The following TAPBPL variants were observed in gnomAD, a reference collection of about 807,000 sequenced individuals.
The protein encoded by TAPBPL is tapasin-related protein.
A neutral mutation model predicts 44.8 loss-of-function variants in TAPBPL; 32 were observed. The ratio of observed to expected loss-of-function variants is 0.71; its 90% CI spans 0.54 to 0.96. The LOEUF (loss-of-function observed/expected upper bound fraction) is 0.96. TAPBPL is among the 40% of genes least tolerant of loss of function. TAPBPL has a pLI of 0.00. For synonymous variants in TAPBPL, 230 were observed against 240.7 expected, an observed-to-expected ratio of 0.96 and a Z score of 0.41; for missense variants, 520 against 586.6, an observed-to-expected ratio of 0.89 and a Z score of 1.17.
chr12:6,458,623 T>C, intron 4 of TAPBPL, 22 bp from the exon 5 acceptor site: 1 of 1,611,052 alleles, frequency 6.2e-7, no homozygotes, highest in Non-Finnish European at 8.5e-7. Flanking sequence ...ATGTGTAATC[T>C]TATTCCTCAT....
downstream of TAPBPL, among the ~76,000 whole-genome samples, chr12:6,471,183 C>T (rs992564785): frequency 2.0e-5 from 3 of 152,216 alleles, no homozygotes; most frequent in African/African-American, 7.2e-5. The surrounding 1 kb of genome is among the most constrained non-coding windows in gnomAD (Gnocchi z 4.0). Flanking sequence ...AGCCTCGAGA[C>T]ACAGCCACAA....
downstream of TAPBPL, chr12:6,470,721 C>G (rs1277008600): frequency 1.4e-6 from 1 of 690,040 alleles, no homozygotes; most frequent in African/African-American, 1.8e-5. Context: ...GCTGACCACG[C>G]CTCCCGGATA....
chr12:6,463,044 C>G, downstream of TAPBPL: 1 of 1,543,832 alleles, frequency 6.5e-7, no homozygotes, highest in Non-Finnish European at 8.7e-7. The surrounding 1 kb of genome is among the most constrained non-coding windows in gnomAD (Gnocchi z 4.0). Flanking sequence ...TGCCCTCCTC[C>G]CCTTGCACCT....
chr12:6,460,996 C>T, intron 6 of TAPBPL, 58 bp downstream of exon 6: 1 of 1,609,986 alleles, frequency 6.2e-7, no homozygotes, highest in African/African-American at 1.3e-5. Context: ...CTCTAACCAC[C>T]CCCCCGCCCA....
chr12:6,454,635 AT>A (rs1209263169), intron 3 of TAPBPL, among the ~76,000 whole-genome samples: 1 of 152,114 alleles, frequency 6.6e-6, no homozygotes, highest in Non-Finnish European at 1.5e-5. Context: ...TATTCTGTAC[AT>A]GGGTGCTGTC....
At chr12:6,468,620 G>A (rs1945689174), downstream of TAPBPL, among the ~76,000 whole-genome samples, 1 of 152,152 alleles carries the variant, frequency 6.6e-6, no homozygotes, top group South Asian at 2.1e-4. Context: ...GACTCCCTTG[G>A]TTACTTACAT....
At chr12:6,467,577 A>C (rs963680494), downstream of TAPBPL, among the ~76,000 whole-genome samples, 6 of 152,194 alleles carry the variant, frequency 3.9e-5, no homozygotes, top group Non-Finnish European at 7.3e-5. Context: ...GAAAAAAACC[A>C]TTTTTTTGAG....
chr12:6,469,492 C>T (rs1945713964), downstream of TAPBPL, among the ~76,000 whole-genome samples: 1 of 152,012 alleles, frequency 6.6e-6, no homozygotes, highest in African/African-American at 2.4e-5. Flanking sequence ...CCATAGAAAT[C>T]AAAAAGAAAA....
downstream of TAPBPL, chr12:6,463,320 T>C (rs562381997): frequency 1.2e-5 from 14 of 1,181,878 alleles, no homozygotes; most frequent in South Asian, 3.1e-4. The surrounding 1 kb of genome is among the most constrained non-coding windows in gnomAD (Gnocchi z 4.0). Flanking sequence ...CTGGCACGCC[T>C]CCCCCCAAGG....
chr12:6,466,248 G>C (rs759791306), downstream of TAPBPL: 3 of 1,614,222 alleles, frequency 1.9e-6, 1 homozygote, highest in South Asian at 3.3e-5. Flanking sequence ...GCCTGGGTTT[G>C]CTGTAGTCGT....
chr12:6,460,884 G>C lies in TAPBPL; in HGVS notation c.1237G>C (p.Ala413Pro), dbSNP rs759160095. ...ERRTALGVIF[A>P]SSLFLLALMF... ...GAGAACAGCCTTGGGAGTCATCTTT[G>C]CCAGCAGTCTCTTCCTTCTTGCACT... Residue 413 changes from alanine (A) to proline (P), a missense_variant, in exon 6 of 7, where the codon GCC becomes CCC. Coordinates refer to ENST00000266556, the MANE Select transcript of TAPBPL (RefSeq NM_018009.5). 3 of 1,613,936 alleles carry C rather than the reference G, an allele frequency of 1.9e-6. No individual in the cohort carries two copies. The African/African-American group carries it at 4.0e-5, about 22-fold the overall frequency.
At position 6,453,826 on chromosome 12, in the gene TAPBPL, T is replaced by C. The variant is rs1949632128; in HGVS notation, c.565+110T>C. 2.9e-6 allele frequency: 4 copies of C among 1,357,044 alleles called. No homozygotes were observed. The highest frequency in any genetic ancestry group is 2.9e-6 in the Non-Finnish European group (3 of 1,028,434). The allele number at this position is 1,357,044 out of a possible 1,614,324, so 84.1% of individuals were successfully genotyped here. A position where few individuals can be genotyped will look rare whatever the true frequency, so the allele number is the denominator to read the frequency against. ...TGAGGTCAGGAGTTTGAGATCAGCC[T>C]GGTCAACACGGTGAAACCCCGTCTC... On this transcript the variant is annotated intron_variant, in intron 3 of 6. Coordinates refer to ENST00000266556, the MANE Select transcript of TAPBPL (RefSeq NM_018009.5). The surrounding 1 kb of genome is among the most constrained non-coding windows in gnomAD (Gnocchi z 4.8).
chr12:6,464,880 C>T (rs746020440), downstream of TAPBPL: 13 of 1,613,970 alleles, frequency 8.1e-6, no homozygotes, highest in Admixed American at 3.3e-5. Flanking sequence ...GCAACTTCAG[C>T]GATACTTACT....
chr12:6,461,994 G>A (rs762227755), intron 6 of TAPBPL, 40 bp from the exon 7 acceptor site: 2 of 1,557,728 alleles, frequency 1.3e-6, no homozygotes, highest in East Asian at 4.5e-5. Flanking sequence ...GCCAGTGTGA[G>A]ATGCCCACGC....
downstream of TAPBPL, chr12:6,465,726 T>G: frequency 7.2e-7 from 1 of 1,387,076 alleles, no homozygotes; most frequent in Non-Finnish European, 9.7e-7. Context: ...CCAAGCGTTA[T>G]GCTGGTCAGA....
chr12:6,459,724 TTTTATTTATTTATTTA>T lies in TAPBPL; in HGVS notation c.1207+805_1207+820del, dbSNP rs143107897. 1.6e-3 allele frequency among the ~76,000 whole-genome samples: 237 copies of T among 146,180 alleles called. 1 individual carries two copies. Among genetic ancestry groups the T allele is most frequent in the Non-Finnish European group, 2.4e-3 (159 of 66,716 alleles). On this transcript the variant is annotated intron_variant, in intron 5 of 6. Transcript: ENST00000266556. Reference sequence around the variant, plus strand: ...AGAGCCATAGCATGCTGTTGAAAGGTTTTATTTATTTATTTATTTATTTATTTATTTATTTATTTAT... The same window carrying T: ...AGAGCCATAGCATGCTGTTGAAAGGTTTTATTTATTTATTTATTTATTTAT...
At chr12:6,466,408 C>T (rs967880077), downstream of TAPBPL, 5 of 1,563,474 alleles carry the variant, frequency 3.2e-6, no homozygotes, top group South Asian at 1.2e-5. Flanking sequence ...AGGAGCTGGG[C>T]GTGGTAGCAC....
At chr12:6,451,999 T>A, upstream of TAPBPL, 1 of 550,592 alleles carries the variant, frequency 1.8e-6, no homozygotes, top group South Asian at 2.0e-5. Context: ...GTGAGGTGGG[T>A]GGTGAGAAAG....
chr12:6,451,734 C>A, upstream of TAPBPL: 1 of 281,666 alleles, frequency 3.6e-6, no homozygotes, highest in Non-Finnish European at 6.7e-6. Context: ...CCAGCTTCCT[C>A]TCTGAAATCC....
Sources: gnomAD v4.1 joint callset for allele counts (sites outside exome capture counted in the v4.1 genomes callset) on GRCh38, gnomAD v4.1.1 for gene constraint, Gnocchi (gnomAD v3.1) non-coding constraint, MANE v1.5 for transcripts, NCBI Gene and HGNC (gene_info 2026-07-23, HGNC 2026-07-21) for gene names.